The following COPG2 variants were observed in gnomAD, a reference collection of about 807,000 sequenced individuals.
COPG2 encodes the protein coat protein complex I subunit gamma 2.
A neutral mutation model predicts 46.3 loss-of-function variants in COPG2; 37 were observed. The observed-to-expected ratio is 0.80, with a 90% confidence interval of 0.61 to 1.05. The LOEUF is 1.05. Among genes scored for constraint, COPG2 ranks in the 50% least tolerant of loss-of-function variants. The probability of loss-of-function intolerance (pLI) is 0.00; values close to 1 mark genes in which losing one functional copy is unlikely to be tolerated. For synonymous variants in COPG2, 159 were observed against 129.7 expected (o/e 1.23, Z -1.53); for missense variants, 427 against 387.8 (o/e 1.10, Z -0.85).
At chr7:130,591,126 G>A (rs1470603361) in intron 9 of COPG2, among the ~76,000 whole-genome samples, 13 of 110,470 alleles carry the variant, frequency 1.2e-4, no homozygotes, top group East Asian at 1.1e-3. Flanking sequence ...CAGCTGCCCC[G>A]TCCGGAAGGG....
chr7:130,649,536 T>C (rs1164181783), intron 5 of COPG2, among the ~76,000 whole-genome samples: 6 of 152,224 alleles, frequency 3.9e-5, no homozygotes, highest in African/African-American at 1.4e-4. Flanking sequence ...ACAAGCCTGA[T>C]GAGCTTTCTG....
intron 20 of COPG2, chr7:130,508,952 C>A: frequency 2.1e-6 from 1 of 481,474 alleles, no homozygotes; most frequent in Non-Finnish European, 3.9e-6. Flanking sequence ...CTTTTGGGGG[C>A]TTTTTGCCAT....
At chr7:130,647,724 A>C (rs1584607655) in intron 5 of COPG2, among the ~76,000 whole-genome samples, 1 of 145,896 alleles carries the variant, frequency 6.9e-6, no homozygotes, top group South Asian at 2.2e-4. Context: ...GCTGTACCTC[A>C]TTAAGATTTT....
intron 12 of COPG2, 60 bp from the exon 13 acceptor site, chr7:130,555,192 GCAAA>G (rs1337519347): frequency 2.5e-6 from 1 of 395,700 alleles, no homozygotes; most frequent in Non-Finnish European, 4.5e-6. Flanking sequence ...CCTATAAAAA[GCAAA>G]CAGAGAAAAG....
chr7:130,530,088 A>G (rs959796851), intron 20 of COPG2, among the ~76,000 whole-genome samples: 2 of 152,072 alleles, frequency 1.3e-5, no homozygotes, highest in Non-Finnish European at 2.9e-5. Context: ...TGGAAGACGC[A>G]AGGTAGAGAG....
chr7:130,523,732 G>C (rs1476445850), intron 20 of COPG2, among the ~76,000 whole-genome samples: 4 of 152,088 alleles, frequency 2.6e-5, no homozygotes, highest in African/African-American at 9.7e-5. Context: ...CAGAGGAAGT[G>C]GGCTGTGCGG....
chr7:130,614,928 C>G (rs1157170418), intron 6 of COPG2, among the ~76,000 whole-genome samples: 1 of 152,166 alleles, frequency 6.6e-6, no homozygotes, highest in African/African-American at 2.4e-5. Flanking sequence ...TCATTTACCC[C>G]ACTTGGAAGA....
At chr7:130,636,087 T>C (rs1554456139) in intron 5 of COPG2, among the ~76,000 whole-genome samples, 33 of 152,198 alleles carry the variant, frequency 2.2e-4, no homozygotes, top group Non-Finnish European at 4.4e-5. Context: ...ATGATTTCTG[T>C]TCTTTTGCAT....
At chr7:130,512,284 C>T (rs144597936) in intron 20 of COPG2, among the ~76,000 whole-genome samples, 1 of 150,928 alleles carries the variant, frequency 6.6e-6, no homozygotes, top group Non-Finnish European at 1.5e-5. Flanking sequence ...TGCACTCCAG[C>T]CTGGGCAACA....
At chr7:130,646,940 T>C (rs1795607033) in intron 5 of COPG2, among the ~76,000 whole-genome samples, 1 of 136,112 alleles carries the variant, frequency 7.3e-6, no homozygotes, top group African/African-American at 3.1e-5. Context: ...TATATATATA[T>C]ACGTATATAT....
chr7:130,642,368 T>C (rs1248610403), intron 5 of COPG2, among the ~76,000 whole-genome samples: 2 of 152,174 alleles, frequency 1.3e-5, no homozygotes, highest in African/African-American at 4.8e-5. Flanking sequence ...TACTGAACAT[T>C]TCCATCACCC....
At chr7:130,626,412 T>A (rs1460806570) in intron 5 of COPG2, among the ~76,000 whole-genome samples, 2 of 148,986 alleles carry the variant, frequency 1.3e-5, no homozygotes, top group African/African-American at 5.1e-5. Context: ...TTTTTTTTTT[T>A]TTTTTTTTTC....
Position 130,507,826 on chromosome 7 carries a change from AGTG to A in COPG2, c.2248-6_2248-4del. 1 of 780,250 alleles carries A rather than the reference AGTG, an allele frequency of 1.3e-6. No individual in the cohort carries two copies. The highest frequency in any genetic ancestry group is 2.4e-6 in the Non-Finnish European group (1 of 417,712). 48.3% of individuals were successfully genotyped at this position (780,250 alleles called of 1,614,324 possible). A position where few individuals can be genotyped will look rare whatever the true frequency, so the allele number is the denominator to read the frequency against. On this transcript the variant is annotated splice_region_variant and splice_polypyrimidine_tract_variant and intron_variant, in intron 21 of 23. Transcript: ENST00000425248. ...ACAGTCACTTCGAGATCTTCCAGCT[AGTG>A]GGTAATAAGCAGTCAGTAAAGAAAA... is the stretch of plus-strand genomic sequence containing the variant.
intron 9 of COPG2, chr7:130,603,773 T>C (rs368844437): frequency 6.6e-5 from 33 of 499,792 alleles, no homozygotes; most frequent in Non-Finnish European, 1.1e-4. Context: ...ATAACAGTAC[T>C]ATAGGCATCT....
At chr7:130,652,127 AGTT>A (rs1157568282) in intron 5 of COPG2, among the ~76,000 whole-genome samples, 3 of 152,248 alleles carry the variant, frequency 2.0e-5, no homozygotes, top group Non-Finnish European at 4.4e-5. Flanking sequence ...TAGACACGTA[AGTT>A]GTTTGTCCTT....
In COPG2 at chr7:130,548,433, C is replaced by T. The variant is rs1793479782; in HGVS notation, c.1947G>A (p.Lys649=). ...AETEYFVRCI[K]HMFTNHIVFQ... ...ACACGATGTGATTGGTAAACATGTGCTTGATACATCGAACAAAATATTCTG... is the reference window on the plus strand; with the variant it reads ...ACACGATGTGATTGGTAAACATGTGTTTGATACATCGAACAAAATATTCTG... Residue 649 remains lysine (K), a synonymous_variant, in exon 19 of 24, where the codon AAG becomes AAA. Coordinates refer to ENST00000425248, the MANE Select transcript of COPG2 (RefSeq NM_012133.6). 2 of 398,494 alleles carry T rather than the reference C, an allele frequency of 5.0e-6. No homozygotes were observed. The highest frequency in any genetic ancestry group is 8.8e-5 in the Admixed American group (2 of 22,718). The allele number at this position is 398,494 out of a possible 1,614,324, so 24.7% of individuals were successfully genotyped here. A position where few individuals can be genotyped will look rare whatever the true frequency, so the allele number is the denominator to read the frequency against.
At chr7:130,611,931 T>C (rs1311184032) in intron 8 of COPG2, among the ~76,000 whole-genome samples, 1 of 152,198 alleles carries the variant, frequency 6.6e-6, no homozygotes, top group African/African-American at 2.4e-5. Flanking sequence ...CTTTCCCAAA[T>C]ATTCCTACAA....
chr7:130,541,047 C>T (rs1461544708), intron 20 of COPG2, among the ~76,000 whole-genome samples: 5 of 152,096 alleles, frequency 3.3e-5, no homozygotes, highest in African/African-American at 9.7e-5. Context: ...GATGGAGAGC[C>T]GGGCAGACAC....
At chr7:130,547,397 C>T (rs1334487050) in intron 20 of COPG2, 4 of 318,028 alleles carry the variant, frequency 1.3e-5, no homozygotes, top group Non-Finnish European at 2.3e-5. Flanking sequence ...AGCTTGAGTT[C>T]CTTTTTGTGC....
Sources: gnomAD v4.1 joint callset for allele counts (sites outside exome capture counted in the v4.1 genomes callset) on GRCh38, gnomAD v4.1.1 for gene constraint, MANE v1.5 for transcripts, NCBI Gene and HGNC (gene_info 2026-07-23, HGNC 2026-07-21) for gene names.